The following DPP6 variants were observed in gnomAD, a reference collection of about 807,000 sequenced individuals.
DPP6 encodes the protein A-type potassium channel modulatory protein DPP6.
Under a neutral mutation model 122.6 loss-of-function variants are expected in DPP6, and 69 were observed. That is an observed-to-expected ratio of 0.56 (90% CI 0.46 to 0.69). DPP6 has a LOEUF of 0.69. DPP6 is among the 30% of genes least tolerant of loss of function. The pLI is 0.00. For synonymous variants in DPP6, 418 were observed against 433.1 expected, an observed-to-expected ratio of 0.97 and a Z score of 0.43; for missense variants, 928 against 1,116.9, an observed-to-expected ratio of 0.83 and a Z score of 2.41.
At chr7:154,295,281 G>A (rs973209181) in intron 1 of DPP6, among the ~76,000 whole-genome samples, 8 of 152,180 alleles carry the variant, frequency 5.3e-5, no homozygotes, top group Non-Finnish European at 7.3e-5. Flanking sequence ...CCTGAACACC[G>A]AATTTAGGGA....
chr7:154,819,084 C>G (rs1336033851), intron 16 of DPP6, among the ~76,000 whole-genome samples: 1 of 152,144 alleles, frequency 6.6e-6, no homozygotes, highest in Non-Finnish European at 1.5e-5. Flanking sequence ...ACATCAGAGG[C>G]CATGTCCTGC....
intron 1 of DPP6, among the ~76,000 whole-genome samples, chr7:154,311,303 G>A (rs1172596448): frequency 6.6e-6 from 1 of 151,978 alleles, no homozygotes; most frequent in Non-Finnish European, 1.5e-5. Flanking sequence ...CACCAGCCTG[G>A]GCAACATGGC....
chr7:154,866,580 CTG>C (rs1045434319), intron 17 of DPP6, among the ~76,000 whole-genome samples: 1 of 152,226 alleles, frequency 6.6e-6, no homozygotes, highest in Admixed American at 6.5e-5. Flanking sequence ...GCAGACGTAG[CTG>C]TGTTTCCTGC....
At chr7:153,773,277 G>GTGTGTGTGTGTGTGTC in the DPP6 span, among the ~76,000 whole-genome samples, 1 of 144,854 alleles carries the variant, frequency 6.9e-6, no homozygotes, top group Non-Finnish European at 1.5e-5. Context: ...GTGTGTGTGT[G>GTGTGTGTGTGTGTGTC]TGTGTGTGTG....
chr7:153,798,085 GC>G, the DPP6 span, among the ~76,000 whole-genome samples: 1 of 151,866 alleles, frequency 6.6e-6, no homozygotes, highest in Non-Finnish European at 1.5e-5. Context: ...CTCCTGATCC[GC>G]CCGCCTCGGC....
At chr7:153,938,061 G>A (rs1801539959) in intron 1 of DPP6, among the ~76,000 whole-genome samples, 1 of 152,132 alleles carries the variant, frequency 6.6e-6, no homozygotes, top group Admixed American at 6.5e-5. Flanking sequence ...TTCCTGCAGT[G>A]TATTACATCC....
chr7:154,731,071 G>A (rs2131376172), intron 8 of DPP6, among the ~76,000 whole-genome samples: 1 of 152,292 alleles, frequency 6.6e-6, no homozygotes, highest in South Asian at 2.1e-4. Flanking sequence ...TCTGAGGCTG[G>A]GAGCACAGGA....
At chr7:154,023,318 G>GCACACACACACACACACACA (rs1554436897) in intron 1 of DPP6, among the ~76,000 whole-genome samples, 36 of 129,612 alleles carry the variant, frequency 2.8e-4, no homozygotes, top group African/African-American at 5.1e-4. Flanking sequence ...TTTCTTGTCT[G>GCACACACACACACACACACA]CACACACACA....
At chr7:154,386,042 G>A (rs891638029) in intron 1 of DPP6, among the ~76,000 whole-genome samples, 2 of 152,170 alleles carry the variant, frequency 1.3e-5, no homozygotes, top group Non-Finnish European at 2.9e-5. Context: ...AGTACAAGGT[G>A]TGCTCAGGAA....
At position 154,795,828 on chromosome 7, in the gene DPP6, C is replaced by CTCTCATTT; in HGVS notation, c.1261-16_1261-9dup. On this transcript the variant is annotated splice_polypyrimidine_tract_variant and intron_variant, in intron 11 of 25. Coordinates refer to ENST00000377770, the MANE Select transcript of DPP6 (RefSeq NM_130797.4). ...AAAAGAAAAACCCTCTTGTCTAATG[C>CTCTCATTT]TCTCATTTCATTTCAGAAACACGAG... 6.2e-7 allele frequency: 1 copy of CTCTCATTT among 1,608,448 alleles called. No homozygotes were observed. The highest frequency in any genetic ancestry group is 1.7e-5 in the Admixed American group (1 of 59,402).
At chr7:154,750,454 G>C (rs541777243) in intron 8 of DPP6, among the ~76,000 whole-genome samples, 162 of 152,374 alleles carry the variant, frequency 1.1e-3, no homozygotes, top group Non-Finnish European at 1.4e-3. Flanking sequence ...GGAAAACAGG[G>C]AAGGCAGGAA....
intron 5 of DPP6, among the ~76,000 whole-genome samples, chr7:154,592,109 C>T (rs540976684): frequency 2.6e-5 from 4 of 152,278 alleles, no homozygotes; most frequent in African/African-American, 9.6e-5. Flanking sequence ...GTCCCAGCTA[C>T]AGATGGACTT....
At chr7:154,820,720 G>C (rs969471597) in intron 16 of DPP6, among the ~76,000 whole-genome samples, 1 of 152,128 alleles carries the variant, frequency 6.6e-6, no homozygotes, top group African/African-American at 2.4e-5. Context: ...GTAATCTCTT[G>C]GTAGAGGCTT....
intron 1 of DPP6, among the ~76,000 whole-genome samples, chr7:153,976,355 C>G (rs1425659023): frequency 1.3e-5 from 2 of 152,272 alleles, no homozygotes; most frequent in African/African-American, 4.8e-5. Context: ...GTGTGGAAAT[C>G]TGATCCAGCT....
intron 1 of DPP6, among the ~76,000 whole-genome samples, chr7:154,324,395 A>C (rs2151023850): frequency 6.6e-6 from 1 of 152,164 alleles, no homozygotes; most frequent in South Asian, 2.1e-4. Flanking sequence ...ATGCAGGCTG[A>C]TGCCGGATGG....
chr7:153,773,613 G>A, the DPP6 span, among the ~76,000 whole-genome samples: 2 of 120,186 alleles, frequency 1.7e-5, no homozygotes, highest in South Asian at 3.1e-4. Context: ...TAAATAACCT[G>A]CATGTCAAAA....
chr7:153,901,735 A>T (rs1302979369), intron 1 of DPP6, among the ~76,000 whole-genome samples: 1 of 152,226 alleles, frequency 6.6e-6, no homozygotes, highest in Admixed American at 6.5e-5. Flanking sequence ...TGCAAAGCAG[A>T]AATATGAAGA....
intron 3 of DPP6, among the ~76,000 whole-genome samples, chr7:154,504,880 A>G (rs1174624253): frequency 6.6e-6 from 1 of 152,034 alleles, no homozygotes; most frequent in Non-Finnish European, 1.5e-5. Flanking sequence ...TCAATCATGC[A>G]TTACCTAATA....
intron 3 of DPP6, among the ~76,000 whole-genome samples, chr7:154,509,552 T>G (rs78773933): frequency 0.1 from 15,745 of 152,218 alleles, 854 homozygotes; most frequent in Middle Eastern, 0.14. Flanking sequence ...GTAACCACTT[T>G]GGAAAATAGC....
Sources: gnomAD v4.1 joint callset for allele counts (sites outside exome capture counted in the v4.1 genomes callset) on GRCh38, gnomAD v4.1.1 for gene constraint, MANE v1.5 for transcripts, NCBI Gene and HGNC (gene_info 2026-07-23, HGNC 2026-07-21) for gene names.